MECOM: variants seen among roughly 807,000 people sequenced by gnomAD.
MECOM encodes the protein histone-lysine N-methyltransferase MECOM.
A neutral mutation model predicts 116.3 loss-of-function variants in MECOM; 13 were observed. The ratio of observed to expected loss-of-function variants is 0.11; its 90% CI spans 0.07 to 0.18. MECOM has a LOEUF of 0.18. MECOM is among the 10% of genes least tolerant of loss of function. The pLI is 1.00. For missense variants in MECOM, 1,299 were observed against 1,509.0 expected, an observed-to-expected ratio of 0.86 and a Z score of 2.31; for synonymous variants, 528 against 535.2, an observed-to-expected ratio of 0.99 and a Z score of 0.19.
intron 1 of MECOM, among the ~76,000 whole-genome samples, chr3:169,410,886 G>T (rs1323773949): frequency 1.3e-5 from 2 of 151,942 alleles, no homozygotes; most frequent in Admixed American, 1.3e-4. Context: ...GTTGTCCAAC[G>T]GTTAGCAAAA....
In MECOM at chr3:169,263,102, TATATATATATATATATATATATATATG is replaced by T. The variant is rs1410370943; in HGVS notation, c.375+118058_375+118084del. ...CTATATATATATATATATATATATA[TATATATATATATATATATATATATATG>T]TTTTTTTTTTTTTTTTTGAGACAGA... On this transcript the variant is annotated intron_variant, in intron 2 of 16. Coordinates refer to ENST00000651503, the MANE Select transcript of MECOM (RefSeq NM_004991.4). 1.0e-3 allele frequency among the ~76,000 whole-genome samples: 77 copies of T among 76,916 alleles called. 1 individual carries two copies. Among genetic ancestry groups the T allele is most frequent in the African/African-American group, 4.3e-3 (59 of 13,588 alleles). The allele number at this position is 76,916 out of a possible 152,430, so 50.5% of individuals were successfully genotyped here.
chr3:169,476,141 T>A (rs1472029072), intron 1 of MECOM, among the ~76,000 whole-genome samples: 1 of 152,204 alleles, frequency 6.6e-6, no homozygotes, highest in Non-Finnish European at 1.5e-5. Flanking sequence ...TAGTATTAAC[T>A]CTGCCAGCCT....
At chr3:169,311,324 T>C (rs1560116590) in intron 2 of MECOM, among the ~76,000 whole-genome samples, 2 of 152,136 alleles carry the variant, frequency 1.3e-5, no homozygotes, top group South Asian at 4.1e-4. Context: ...CCATGGATAG[T>C]TCAAAATAGC....
At chr3:169,354,792 C>T (rs570461758) in intron 2 of MECOM, among the ~76,000 whole-genome samples, 6 of 151,814 alleles carry the variant, frequency 4.0e-5, no homozygotes, top group Non-Finnish European at 5.9e-5. Context: ...TTTTTCCCCC[C>T]CTTCCTGAGC....
At chr3:169,556,136 T>C (rs60880326) in intron 1 of MECOM, among the ~76,000 whole-genome samples, 35,318 of 152,156 alleles carry the variant, frequency 0.23, 4,373 homozygotes, top group Non-Finnish European at 0.28. Context: ...GAGGATGTCA[T>C]GTACAATAGT....
chr3:169,472,657 A>AGAGAGGAGAGGAGAGGAGAG (rs1213996132), intron 1 of MECOM, among the ~76,000 whole-genome samples: 1 of 55,924 alleles, frequency 1.8e-5, no homozygotes, highest in African/African-American at 8.5e-5. Context: ...GGAAAAGAAA[A>AGAGAGGAGAGGAGAGGAGAG]GAAAGGAAAG....
In MECOM at chr3:169,115,818, T is replaced by G; in HGVS notation, c.2054A>C (p.Lys685Thr). 1 of 1,614,080 alleles carries G rather than the reference T, an allele frequency of 6.2e-7. No homozygotes were observed. Among genetic ancestry groups the G allele is most frequent in the Non-Finnish European group, 8.5e-7 (1 of 1,180,020 alleles). ...STGLVGLQDK[K>T]VGALPYPSMF... ...GGAAGGGTAAGGTAAAGCTCCAACT[T>G]TTTTGTCTTGCAGCCCCACCAGTCC... The change falls in exon 8 of 17, where the codon AAA becomes ACA. Residue 685 changes from lysine (K) to threonine (T), a missense_variant. By Grantham distance (78) the Lys-to-Thr change is moderately conservative. This residue lies in a region of MECOM where 340 missense variants were observed against 312.6 expected (regional missense o/e 1.09). Transcript: ENST00000651503.
chr3:169,584,376 T>C lies in MECOM; in HGVS notation c.37+78960A>G, dbSNP rs563827730. On this transcript the variant is annotated intron_variant, in intron 1 of 16. Transcript: ENST00000651503. The stretch of plus-strand genomic sequence containing the variant: ...GTCTGGAGATAGAGACCATCTTGGC[T>C]AACACGGTGAAACCCCGTCTCTACT... Among the ~76,000 whole-genome samples the C allele has an allele frequency of 1.7e-3, 262 of 151,234 alleles. 1 individual carries two copies. The highest frequency in any genetic ancestry group is 5.6e-3 in the African/African-American group (232 of 41,336).
chr3:169,240,390 A>C (rs767264526), intron 2 of MECOM, among the ~76,000 whole-genome samples: 7 of 152,232 alleles, frequency 4.6e-5, no homozygotes, highest in Non-Finnish European at 8.8e-5. Flanking sequence ...AATTCATTTG[A>C]TGGAACTTTT....
chr3:169,195,478 GA>G (rs1407421635), intron 2 of MECOM, among the ~76,000 whole-genome samples: 3 of 152,074 alleles, frequency 2.0e-5, no homozygotes, highest in African/African-American at 7.2e-5. Flanking sequence ...TTTTATAACG[GA>G]AAAAGGTGAT....
chr3:169,177,646 G>A (rs1158526270), intron 2 of MECOM, among the ~76,000 whole-genome samples: 1 of 152,122 alleles, frequency 6.6e-6, no homozygotes, highest in Non-Finnish European at 1.5e-5. Context: ...ACCAGGCGCG[G>A]TTGCTCATGC....
chr3:169,186,177 T>C (rs533629594), intron 2 of MECOM, among the ~76,000 whole-genome samples: 48 of 152,186 alleles, frequency 3.2e-4, no homozygotes, highest in Middle Eastern at 3.4e-3. Flanking sequence ...AGAAAGCATC[T>C]GATGTAGTTA....
intron 1 of MECOM, among the ~76,000 whole-genome samples, chr3:169,537,919 C>G (rs534418822): frequency 2.0e-5 from 3 of 152,084 alleles, no homozygotes; most frequent in Non-Finnish European, 2.9e-5. Context: ...AATTATAAAA[C>G]GATTACCCCC....
chr3:169,498,218 T>A (rs982991220), intron 1 of MECOM, among the ~76,000 whole-genome samples: 1 of 152,196 alleles, frequency 6.6e-6, no homozygotes, highest in Admixed American at 6.6e-5. Context: ...GAAGATTTAG[T>A]AAAAACATGT....
At chr3:169,289,009 G>A (rs1471821430) in intron 2 of MECOM, among the ~76,000 whole-genome samples, 1 of 152,130 alleles carries the variant, frequency 6.6e-6, no homozygotes, top group East Asian at 1.9e-4. Context: ...AAAATAAGTC[G>A]CTGGTGGACG....
chr3:169,419,978 C>G (rs1029083258), intron 1 of MECOM, among the ~76,000 whole-genome samples: 1 of 152,120 alleles, frequency 6.6e-6, no homozygotes, highest in East Asian at 1.9e-4. Flanking sequence ...CAAAAGAAGA[C>G]ATTTATGCAG....
chr3:169,621,348 C>A (rs1314004410), intron 1 of MECOM, among the ~76,000 whole-genome samples: 1 of 152,190 alleles, frequency 6.6e-6, no homozygotes, highest in African/African-American at 2.4e-5. Context: ...GTCTTCAGAA[C>A]AATGCTTGGC....
At position 169,663,462 on chromosome 3, in the gene MECOM, CCTCTCTCTCCTGTCTCTCT is replaced by C; in HGVS notation, c.-109_-91del. 9.0e-7 allele frequency: 1 copy of C among 1,115,668 alleles called. No homozygotes were observed. Among genetic ancestry groups the C allele is most frequent in the South Asian group, 1.4e-5 (1 of 70,622 alleles). 69.1% of individuals were successfully genotyped at this position (1,115,668 alleles called of 1,614,324 possible). A position where few individuals can be genotyped will look rare whatever the true frequency, so the allele number is the denominator to read the frequency against. On this transcript the variant is annotated 5_prime_UTR_variant, in exon 1 of 17. Transcript: ENST00000651503. ...CTTTTGCTCTCCCTCTCGCTCCCTC[CCTCTCTCTCCTGTCTCTCT>C]CTCTCTCTCTCTCTCTCTCTCTCTC...
intron 2 of MECOM, among the ~76,000 whole-genome samples, chr3:169,373,985 G>T (rs1332701247): frequency 1.3e-5 from 2 of 151,994 alleles, no homozygotes; most frequent in East Asian, 3.9e-4. Context: ...TCCATATGTT[G>T]AAGCCCTAAC....
Sources: gnomAD v4.1 joint callset for allele counts (sites outside exome capture counted in the v4.1 genomes callset) on GRCh38, gnomAD v4.1.1 for gene constraint, gnomAD v4.1.1 regional missense constraint, MANE v1.5 for transcripts, NCBI Gene and HGNC (gene_info 2026-07-23, HGNC 2026-07-21) for gene names.